The following TNFSF11 variants were observed in gnomAD, a reference collection of about 807,000 sequenced individuals.
TNFSF11 encodes the protein tumor necrosis factor ligand superfamily member 11.
In TNFSF11, 12 loss-of-function variants were observed where a neutral mutation model predicts 32.2. That is an observed-to-expected ratio of 0.37 (90% confidence interval 0.24 to 0.60). The LOEUF (loss-of-function observed/expected upper bound fraction) is 0.60. Among genes scored for constraint, TNFSF11 ranks in the 20% least tolerant of loss-of-function variants. The pLI, the probability that TNFSF11 is intolerant of heterozygous loss-of-function variation, is 0.66. For synonymous variants in TNFSF11, 172 were observed against 152.1 expected, an observed-to-expected ratio of 1.13 and a Z score of -0.96; for missense variants, 345 against 398.0, an observed-to-expected ratio of 0.87 and a Z score of 1.13.
upstream of TNFSF11, among the ~76,000 whole-genome samples, chr13:42,573,488 C>T (rs74056982): frequency 8.4e-3 from 1,273 of 152,294 alleles, 20 homozygotes; most frequent in African/African-American, 0.029. Context: ...GAGCCCTCCT[C>T]GGATGCTTGC....
At position 42,574,382 on chromosome 13, in the gene TNFSF11, G is replaced by C. The variant is rs754979296; in HGVS notation, c.79G>C (p.Glu27Gln). Residue 27 changes from glutamate to glutamine, a missense_variant, in exon 1 of 5, where the codon GAG (glutamate) becomes CAG (glutamine). Transcript: ENST00000398795. ...GGGCGGCGGCCCCGGAGCCCCGCAC[G>C]AGGGCCCCCTGCACGCCCCGCCGCC... ...EMGGGPGAPH[E>Q]GPLHAPPPPA... is the part of the protein sequence containing the mutation. The C allele has an allele frequency of 5.4e-5, 83 of 1,546,256 alleles. No individual in the cohort carries two copies. The highest frequency in any genetic ancestry group is 8.3e-5 in the South Asian group (7 of 84,004).
At position 42,607,110 on chromosome 13, in the gene TNFSF11, G is replaced by T; in HGVS notation, c.*192G>T. The T allele has an allele frequency of 1.5e-6, 1 of 662,152 alleles. No homozygotes were observed. The highest frequency in any genetic ancestry group is 2.0e-5 in the South Asian group (1 of 50,620). The allele number at this position is 662,152 out of a possible 1,614,324, so 41.0% of individuals were successfully genotyped here. On this transcript the variant is annotated 3_prime_UTR_variant, in exon 5 of 5. Coordinates refer to ENST00000398795, the MANE Select transcript of TNFSF11 (RefSeq NM_003701.4). Reference sequence around the variant, plus strand: ...AGCCAGTGGGAGATGTTAGACTCATGGTGTGTTACACAATGGTTTTTAAAT... The same window carrying T: ...AGCCAGTGGGAGATGTTAGACTCATTGTGTGTTACACAATGGTTTTTAAAT...
chr13:42,564,999 T>C (rs1872817385), intron 1 of TNFSF11, among the ~76,000 whole-genome samples: 1 of 152,200 alleles, frequency 6.6e-6, no homozygotes, highest in African/African-American at 2.4e-5. Flanking sequence ...GAGAAAATAG[T>C]TGGGCATTTG....
upstream of TNFSF11, among the ~76,000 whole-genome samples, chr13:42,573,170 T>C (rs1479511998): frequency 1.3e-5 from 2 of 152,178 alleles, no homozygotes; most frequent in Admixed American, 1.3e-4. Flanking sequence ...CCTTTTTTTT[T>C]TTTTCAAATA....
chr13:42,564,423 CG>C (rs2137839935), intron 1 of TNFSF11, among the ~76,000 whole-genome samples: 1 of 152,190 alleles, frequency 6.6e-6, no homozygotes, highest in Non-Finnish European at 1.5e-5. Context: ...CAAAATTAGC[CG>C]GGCGTGGTGG....
intron 1 of TNFSF11, among the ~76,000 whole-genome samples, chr13:42,566,351 A>C (rs1374484904): frequency 2.0e-5 from 3 of 152,242 alleles, no homozygotes; most frequent in Non-Finnish European, 4.4e-5. Context: ...CATATCCAGA[A>C]GCAATGGGGA....
In TNFSF11 at chr13:42,574,350, A is replaced by C. The variant is rs1873194620; in HGVS notation, c.47A>C (p.Glu16Ala). Residue 16 changes from glutamate to alanine, a missense_variant, in exon 1 of 5, where the codon GAG (glutamate) becomes GCG (alanine). Physicochemically the swap from Glu to Ala is moderately radical, Grantham distance 107. Coordinates refer to ENST00000398795, the MANE Select transcript of TNFSF11 (RefSeq NM_003701.4). ...TACACCAAGTACCTGCGTGGCTCGG[A>C]GGAGATGGGCGGCGGCCCCGGAGCC... ...RDYTKYLRGSEEMGGGPGAPH... is the reference protein window; with the variant it reads ...RDYTKYLRGSAEMGGGPGAPH... The C allele has an allele frequency of 6.5e-7, 1 of 1,543,422 alleles. No homozygotes were observed. Among genetic ancestry groups the C allele is most frequent in the African/African-American group, 1.4e-5 (1 of 72,220 alleles).
intron 2 of TNFSF11, among the ~76,000 whole-genome samples, chr13:42,583,218 C>G (rs1304526650): frequency 6.6e-6 from 1 of 151,530 alleles, no homozygotes; most frequent in Admixed American, 6.6e-5. Context: ...TGAGAACATG[C>G]TGATCAACAT....
chr13:42,601,753 A>G (rs1337417355), intron 4 of TNFSF11, among the ~76,000 whole-genome samples: 2 of 152,180 alleles, frequency 1.3e-5, no homozygotes, highest in African/African-American at 4.8e-5. Context: ...ACTCTACTGG[A>G]GATGGCTGAG....
intron 2 of TNFSF11, among the ~76,000 whole-genome samples, chr13:42,583,417 TAAAAA>T (rs71747752): frequency 4.1e-4 from 10 of 24,644 alleles, no homozygotes; most frequent in East Asian, 1.1e-3. Flanking sequence ...AAGACCCTGC[TAAAAA>T]AAAAAAAAAA....
chr13:42,571,126 A>G (rs956148595), upstream of TNFSF11, among the ~76,000 whole-genome samples: 1 of 152,194 alleles, frequency 6.6e-6, no homozygotes, highest in Non-Finnish European at 1.5e-5. Context: ...GAGTGACATG[A>G]CAGGAGAATT....
At chr13:42,565,210 A>T (rs1044863471) in intron 1 of TNFSF11, among the ~76,000 whole-genome samples, 3 of 4,624 alleles carry the variant, frequency 6.5e-4, no homozygotes, top group African/African-American at 1.3e-3. Context: ...ATAACTTTTA[A>T]AATATATATA....
chr13:42,593,170 C>G (rs1178415759), intron 2 of TNFSF11, among the ~76,000 whole-genome samples: 4 of 152,196 alleles, frequency 2.6e-5, no homozygotes, highest in Non-Finnish European at 5.9e-5. Context: ...TTTTGAATAA[C>G]AAAGGATGCT....
intron 4 of TNFSF11, 96 bp from the exon 5 acceptor site, chr13:42,606,401 G>A: frequency 6.4e-6 from 9 of 1,413,376 alleles, no homozygotes; most frequent in Non-Finnish European, 9.0e-6. Context: ...AATAATGACT[G>A]CTATACTATT....
intron 2 of TNFSF11, among the ~76,000 whole-genome samples, chr13:42,589,480 C>A (rs1874060468): frequency 6.6e-6 from 1 of 152,208 alleles, no homozygotes; most frequent in African/African-American, 2.4e-5. Flanking sequence ...TCTTTTCCTG[C>A]TTAAAGCATC....
chr13:42,577,787 C>T (rs1873395671), intron 1 of TNFSF11, among the ~76,000 whole-genome samples: 1 of 152,134 alleles, frequency 6.6e-6, no homozygotes, highest in African/African-American at 2.4e-5. Flanking sequence ...GTAGCACAAA[C>T]GTCAAGCATC....
At chr13:42,582,396 T>C (rs1873660320) in intron 2 of TNFSF11, among the ~76,000 whole-genome samples, 1 of 152,200 alleles carries the variant, frequency 6.6e-6, no homozygotes, top group Admixed American at 6.5e-5. Flanking sequence ...ACCCTGATAG[T>C]TGAGATTTGC....
chr13:42,596,967 G>A (rs1291066867), intron 2 of TNFSF11, among the ~76,000 whole-genome samples: 2 of 152,314 alleles, frequency 1.3e-5, no homozygotes, highest in East Asian at 1.9e-4. Flanking sequence ...TCTCTGCTGC[G>A]CAGCCAGGTC....
upstream of TNFSF11, among the ~76,000 whole-genome samples, chr13:42,571,202 T>C (rs1243953601): frequency 1.3e-5 from 2 of 152,190 alleles, no homozygotes; most frequent in Non-Finnish European, 2.9e-5. Flanking sequence ...GAAAGACTTC[T>C]GGAGAGGCGA....
Sources: allele counts gnomAD v4.1 joint callset (sites outside exome capture counted in the v4.1 genomes callset), GRCh38; gene constraint gnomAD v4.1.1; transcripts MANE v1.5; gene names NCBI Gene and HGNC (gene_info 2026-07-23, HGNC 2026-07-21).